Variants in DAB1 observed in about 807,000 individuals in gnomAD.
DAB1 encodes DAB adaptor protein 1.
In DAB1, 15 loss-of-function variants were observed where a neutral mutation model predicts 64.6. The observed-to-expected ratio is 0.23, with a 90% CI of 0.16 to 0.36. The LOEUF (loss-of-function observed/expected upper bound fraction) is 0.36, where lower values mean the gene tolerates loss of function less well. Ranked by LOEUF, DAB1 falls within the 10% of genes least tolerant of loss-of-function variation. DAB1 has a pLI of 1.00. For missense variants in DAB1, 596 were observed against 706.7 expected (o/e 0.84, Z 1.78); for synonymous variants, 235 against 251.9 (o/e 0.93, Z 0.64).
In DAB1 at chr1:57,010,710, T is replaced by A. The variant is rs767269448; in HGVS notation, c.1653A>T (p.Pro551=). 1 of 1,583,938 alleles carries A rather than the reference T, an allele frequency of 6.3e-7. No individual in the cohort carries two copies. Among genetic ancestry groups the A allele is most frequent in the South Asian group, 1.2e-5 (1 of 86,926 alleles). Residue 551 remains proline (P), a synonymous_variant, in exon 14 of 15, where the codon CCA becomes CCT. Coordinates refer to ENST00000371236, the MANE Select transcript of DAB1 (RefSeq NM_001365792.1). ...CCTGCGCTATCTAGCTACCGGCCTGTGGACTTATATTATCACCACTGGGCT... is the reference window on the plus strand; with the variant it reads ...CCTGCGCTATCTAGCTACCGGCCTGAGGACTTATATTATCACCACTGGGCT... The part of the protein sequence containing the change: ...SGEPSGDNIS[P]QAGS
intron 3 of DAB1, among the ~76,000 whole-genome samples, chr1:58,409,589 G>A (rs1239014515): frequency 1.3e-5 from 2 of 152,254 alleles, no homozygotes; most frequent in South Asian, 4.1e-4. Flanking sequence ...CTGCGAATAG[G>A]GATATTACAC....
At chr1:58,021,002 C>T (rs1646807463) in intron 5 of DAB1, among the ~76,000 whole-genome samples, 1 of 152,158 alleles carries the variant, frequency 6.6e-6, no homozygotes. Context: ...TGGAGTGAGA[C>T]CCTGCGCCCC....
intron 7 of DAB1, among the ~76,000 whole-genome samples, chr1:57,481,766 GA>G (rs1644023724): frequency 6.6e-6 from 1 of 150,726 alleles, no homozygotes; most frequent in African/African-American, 2.4e-5. Flanking sequence ...GCAGTGAGCT[GA>G]GATCACACCA....
rs1659777666 is a variant in DAB1 at position 58,231,625 on chromosome 1, CATA to C, written n.310-81040_310-81038del. Reference sequence around the variant, plus strand: ...GGCTAGAGACCCCACATCTATGCTACATAATAACATTCTACACTGTATAGTAAT... The same window carrying C: ...GGCTAGAGACCCCACATCTATGCTACATAACATTCTACACTGTATAGTAAT... On this transcript the variant is annotated intron_variant and non_coding_transcript_variant, in intron 4 of 20. Coordinates refer to the DAB1 transcript ENST00000485760. Among the ~76,000 whole-genome samples the C allele has an allele frequency of 2.0e-5, 3 of 152,272 alleles. No homozygotes were observed. The South Asian group carries it at 6.2e-4, about 32-fold the overall frequency.
At chr1:57,279,856 G>A (rs1276658843) in intron 2 of DAB1, among the ~76,000 whole-genome samples, 1 of 152,184 alleles carries the variant, frequency 6.6e-6, no homozygotes, top group African/African-American at 2.4e-5. Context: ...AAGTGAAGGG[G>A]CTTCCCATGG....
At chr1:57,538,630 T>A (rs548356387) in intron 7 of DAB1, among the ~76,000 whole-genome samples, 26 of 152,200 alleles carry the variant, frequency 1.7e-4, no homozygotes, top group Admixed American at 3.3e-4. Context: ...GCCCAAGTCC[T>A]ATTACTCAGC....
chr1:57,678,768 G>T (rs5003803), intron 6 of DAB1, among the ~76,000 whole-genome samples: 99,134 of 140,318 alleles, frequency 0.71, 35,718 homozygotes, highest in East Asian at 0.93. Context: ...ACTGTTTTTT[G>T]TTTTTTTTTT....
chr1:57,578,690 T>C (rs985897376), intron 7 of DAB1, among the ~76,000 whole-genome samples: 2 of 152,190 alleles, frequency 1.3e-5, no homozygotes, highest in Non-Finnish European at 2.9e-5. Flanking sequence ...GAGGATGCAT[T>C]AGAGATATAG....
intron 2 of DAB1, among the ~76,000 whole-genome samples, chr1:57,171,041 T>C (rs1470578162): frequency 6.6e-6 from 1 of 152,124 alleles, no homozygotes; most frequent in African/African-American, 2.4e-5. Context: ...GAAAGCTGTA[T>C]TTTGTGCTGT....
chr1:57,155,451 A>G (rs1377618094), intron 2 of DAB1, among the ~76,000 whole-genome samples: 2 of 151,530 alleles, frequency 1.3e-5, no homozygotes, highest in Non-Finnish European at 2.9e-5. Context: ...ATTTGAAGTC[A>G]GGTAATGTGA....
intron 7 of DAB1, among the ~76,000 whole-genome samples, chr1:57,483,338 T>C (rs1486844567): frequency 6.6e-6 from 1 of 152,158 alleles, no homozygotes; most frequent in African/African-American, 2.4e-5. Context: ...GGTTTTCTCA[T>C]ACTATTATCA....
intron 5 of DAB1, among the ~76,000 whole-genome samples, chr1:57,995,450 C>CA (rs552558849): frequency 7.9e-5 from 12 of 151,924 alleles, no homozygotes; most frequent in African/African-American, 2.7e-4. Flanking sequence ...TTAATCAATG[C>CA]AAAAAAATTT....
chr1:57,385,687 G>C lies in DAB1; in HGVS notation c.-137+38243C>G, dbSNP rs115567869. On this transcript the variant is annotated intron_variant, in intron 1 of 14. Transcript: ENST00000371236. Reference sequence around the variant, plus strand: ...ACAGTTCAGTAAGGGTGAAATATAGGCATTAAGGCAAGGATCTAGGGAGAA... The same window carrying C: ...ACAGTTCAGTAAGGGTGAAATATAGCCATTAAGGCAAGGATCTAGGGAGAA... Among the ~76,000 whole-genome samples, 1,508 of 152,222 alleles carry C rather than the reference G, an allele frequency of 9.9e-3. 26 individuals carry two copies. Among genetic ancestry groups the C allele is most frequent in the African/African-American group, 0.035 (1,453 of 41,518 alleles).
chr1:57,531,713 A>C (rs558050669), intron 7 of DAB1, among the ~76,000 whole-genome samples: 1 of 152,330 alleles, frequency 6.6e-6, no homozygotes, highest in South Asian at 2.1e-4. Context: ...GGAATGACTG[A>C]TAGCCAATGG....
At chr1:58,519,059 T>C (rs1157354888) in intron 2 of DAB1, among the ~76,000 whole-genome samples, 2 of 152,172 alleles carry the variant, frequency 1.3e-5, no homozygotes, top group Non-Finnish European at 1.5e-5. Flanking sequence ...TCTTTGGCAA[T>C]TGATTGATTA....
chr1:57,427,679 C>G (rs186567509), upstream of DAB1, among the ~76,000 whole-genome samples: 1 of 152,120 alleles, frequency 6.6e-6, no homozygotes, highest in African/African-American at 2.4e-5. Flanking sequence ...AAACTATGGG[C>G]ATTTTACTTT....
chr1:57,790,136 T>C (rs1650525754), intron 6 of DAB1, among the ~76,000 whole-genome samples: 1 of 152,170 alleles, frequency 6.6e-6, no homozygotes, highest in African/African-American at 2.4e-5. Context: ...CTTTCTGATA[T>C]GGTTTGGCTG....
intron 3 of DAB1, among the ~76,000 whole-genome samples, chr1:58,441,511 A>C (rs79390788): frequency 0.027 from 4,054 of 152,194 alleles, 182 homozygotes; most frequent in African/African-American, 0.093. Flanking sequence ...TGTTGGGAAG[A>C]GTGATTTTGG....
chr1:57,200,906 T>C (rs1665043004), intron 2 of DAB1, among the ~76,000 whole-genome samples: 1 of 152,218 alleles, frequency 6.6e-6, no homozygotes, highest in Non-Finnish European at 1.5e-5. Flanking sequence ...TTTCTTAGCA[T>C]CTCAATTCAT....
Sources: gnomAD v4.1 joint callset for allele counts (sites outside exome capture counted in the v4.1 genomes callset) on GRCh38, gnomAD v4.1.1 for gene constraint, MANE v1.5 for transcripts, NCBI Gene and HGNC (gene_info 2026-07-23, HGNC 2026-07-21) for gene names.